CNTLN: variants seen among roughly 807,000 people sequenced by gnomAD.
The protein encoded by CNTLN is centlein, also known as centlein, centrosomal protein.
A neutral mutation model predicts 180.0 loss-of-function variants in CNTLN; 212 were observed. That is an observed-to-expected ratio of 1.18 (90% CI 1.05 to 1.32). The LOEUF (loss-of-function observed/expected upper bound fraction) is 1.32. Ranked by LOEUF, CNTLN falls within the 40% of genes most tolerant of loss-of-function variation. CNTLN has a pLI of 0.00. For missense variants in CNTLN, 2,095 were observed against 1,610.9 expected (o/e 1.30, Z -5.14); for synonymous variants, 722 against 563.1 (o/e 1.28, Z -3.99).
intron 12 of CNTLN, among the ~76,000 whole-genome samples, chr9:17,361,751 G>A (rs570719588): frequency 6.6e-6 from 1 of 152,290 alleles, no homozygotes; most frequent in Admixed American, 6.5e-5. Flanking sequence ...GGCAGAAATC[G>A]AGCCATCATT....
intron 13 of CNTLN, among the ~76,000 whole-genome samples, chr9:17,371,680 A>G (rs958546735): frequency 2.0e-5 from 3 of 152,156 alleles, no homozygotes; most frequent in African/African-American, 7.2e-5. Flanking sequence ...TCCCCAGCAC[A>G]TCGATCATTC....
At chr9:17,498,334 C>T (rs559746329) in intron 25 of CNTLN, among the ~76,000 whole-genome samples, 2 of 152,090 alleles carry the variant, frequency 1.3e-5, no homozygotes, top group Admixed American at 6.6e-5. Context: ...TTATATGTCA[C>T]CTCTAAAGGA....
chr9:17,271,739 C>G (rs1453298703), intron 5 of CNTLN, among the ~76,000 whole-genome samples: 3 of 152,094 alleles, frequency 2.0e-5, no homozygotes, highest in Non-Finnish European at 2.9e-5. Flanking sequence ...TCAACAGGTC[C>G]TGTCATTTTT....
chr9:17,526,529 G>T, the CNTLN span, among the ~76,000 whole-genome samples: 1 of 152,142 alleles, frequency 6.6e-6, no homozygotes, highest in Non-Finnish European at 1.5e-5. Context: ...AGGGCACAAA[G>T]ATTGATAAGA....
At chr9:17,376,256 A>G (rs113572060) in intron 13 of CNTLN, among the ~76,000 whole-genome samples, 2,501 of 152,234 alleles carry the variant, frequency 0.016, 41 homozygotes, top group African/African-American at 0.04. Context: ...GGGTTTGCTA[A>G]GACTTTATCC....
At chr9:17,409,790 A>C (rs548300244) in intron 16 of CNTLN, among the ~76,000 whole-genome samples, 2 of 152,074 alleles carry the variant, frequency 1.3e-5, no homozygotes, top group Non-Finnish European at 2.9e-5. Flanking sequence ...TTTGTATATT[A>C]GTCTTTGCAA....
At chr9:17,514,229 G>T in the CNTLN span, among the ~76,000 whole-genome samples, 1 of 152,128 alleles carries the variant, frequency 6.6e-6, no homozygotes, top group East Asian at 1.9e-4. Flanking sequence ...AGGATCGCTT[G>T]AGTCTGGGGA....
At chr9:17,270,662 G>T (rs963176286) in intron 5 of CNTLN, among the ~76,000 whole-genome samples, 1 of 152,056 alleles carries the variant, frequency 6.6e-6, no homozygotes, top group African/African-American at 2.4e-5. Context: ...CAAGATGGGG[G>T]TTATTCATTT....
intron 5 of CNTLN, among the ~76,000 whole-genome samples, chr9:17,262,732 TAAAAAA>T (rs1166752064): frequency 6.6e-6 from 1 of 151,140 alleles, no homozygotes; most frequent in Non-Finnish European, 1.5e-5. Context: ...TCTGAGAACT[TAAAAAA>T]AATAAAATAA....
chr9:17,308,308 T>G (rs887016871), intron 7 of CNTLN, among the ~76,000 whole-genome samples: 25 of 152,174 alleles, frequency 1.6e-4, no homozygotes, highest in African/African-American at 5.8e-4. Context: ...AAATATTGCT[T>G]CTATTTTTTC....
intron 2 of CNTLN, among the ~76,000 whole-genome samples, chr9:17,194,511 T>A (rs1045013789): frequency 6.6e-6 from 1 of 152,156 alleles, no homozygotes; most frequent in African/African-American, 2.4e-5. Flanking sequence ...GTCACCTTTG[T>A]TCTAGTTCCC....
At chr9:17,304,172 A>G (rs910097492) in intron 7 of CNTLN, among the ~76,000 whole-genome samples, 1 of 152,186 alleles carries the variant, frequency 6.6e-6, no homozygotes, top group Non-Finnish European at 1.5e-5. Flanking sequence ...AGTTTTGAGC[A>G]CAGAGGTGAG....
intron 2 of CNTLN, among the ~76,000 whole-genome samples, chr9:17,221,390 T>A (rs2132050734): frequency 6.6e-6 from 1 of 152,238 alleles, no homozygotes; most frequent in African/African-American, 2.4e-5. Context: ...TACATTATAT[T>A]TTATTATTAA....
chr9:17,392,111 T>TA (rs1389190955), intron 14 of CNTLN, among the ~76,000 whole-genome samples: 15 of 152,004 alleles, frequency 9.9e-5, no homozygotes, highest in African/African-American at 3.6e-4. Flanking sequence ...CTACAAAATA[T>TA]AAAAAATTAG....
chr9:17,138,244 A>G lies in CNTLN; in HGVS notation c.360+2819A>G, dbSNP rs1342664528. Among the ~76,000 whole-genome samples, 7 of 152,286 alleles carry G rather than the reference A, an allele frequency of 4.6e-5. No individual in the cohort carries two copies. The East Asian group carries it at 7.7e-4, about 17-fold the overall frequency. ...CATTTATCACCATTTATAGAGTGAG[A>G]TGAGAAAAAAGTGTTATGTTTACAT... On this transcript the variant is annotated intron_variant, in intron 1 of 25. Coordinates refer to ENST00000380647, the MANE Select transcript of CNTLN (RefSeq NM_017738.4).
At position 17,502,606 on chromosome 9, in the gene CNTLN, A is replaced by G. The variant is rs1392986972; in HGVS notation, c.4175A>G (p.Lys1392Arg). 2 of 1,410,674 alleles carry G rather than the reference A, an allele frequency of 1.4e-6. No homozygotes were observed. The highest frequency in any genetic ancestry group is 1.9e-6 in the Non-Finnish European group (2 of 1,030,332). 87.4% of individuals were successfully genotyped at this position (1,410,674 alleles called of 1,614,324 possible). The change falls in exon 26 of 26, where the codon AAG becomes AGG. Residue 1392 changes from lysine to arginine, a missense_variant. Lys to Arg is a conservative substitution (Grantham distance 26). Coordinates refer to ENST00000380647, the MANE Select transcript of CNTLN (RefSeq NM_017738.4). The part of the protein sequence containing the change: ...EAVLEKINEK[K>R]KLVEGYFTIM... ...GTACTGGAAAAAATAAATGAAAAAA[A>G]GAAACTAGTTGAAGGATATTTCACA...
rs1832791479 is a variant in CNTLN at position 17,484,314 on chromosome 9, A to G, written c.3875A>G (p.Gln1292Arg). The G allele has an allele frequency of 6.3e-7, 1 of 1,599,868 alleles. No individual in the cohort carries two copies. The highest frequency in any genetic ancestry group is 1.4e-5 in the African/African-American group (1 of 73,566). ...TTACAGGCTTTGGCCAAAGAGTTGC[A>G]AAATGATGTCCATGTGGTAAGGCGA... ...TFVKALAKELQNDVHVVRRQI... is the reference protein window; with the variant it reads ...TFVKALAKELRNDVHVVRRQI... The change falls in exon 24 of 26, where the codon CAA becomes CGA. Residue 1292 changes from glutamine to arginine, a missense_variant. Gln to Arg is a conservative substitution (Grantham distance 43). Transcript: ENST00000380647.
intron 7 of CNTLN, among the ~76,000 whole-genome samples, chr9:17,305,366 G>C (rs1288667304): frequency 2.0e-5 from 3 of 151,970 alleles, no homozygotes; most frequent in Non-Finnish European, 4.4e-5. Context: ...CGAGCTTTTT[G>C]GATTATTAGA....
At chr9:17,204,341 TTTTG>T (rs746932045) in intron 2 of CNTLN, among the ~76,000 whole-genome samples, 3 of 152,290 alleles carry the variant, frequency 2.0e-5, no homozygotes, top group South Asian at 4.1e-4. Flanking sequence ...GATGGGTTTT[TTTTG>T]TTTGTTAGTT....
Sources: gnomAD v4.1 joint callset for allele counts (sites outside exome capture counted in the v4.1 genomes callset) on GRCh38, gnomAD v4.1.1 for gene constraint, MANE v1.5 for transcripts, NCBI Gene and HGNC (gene_info 2026-07-23, HGNC 2026-07-21) for gene names.